The following MGAT4A variants were observed in gnomAD, a reference collection of about 807,000 sequenced individuals.
MGAT4A encodes the protein alpha-1,3-mannosyl-glycoprotein 4-beta-N-acetylglucosaminyltransferase A.
Under a neutral mutation model 74.1 loss-of-function variants are expected in MGAT4A, and 33 were observed. That is an observed-to-expected ratio of 0.45 (90% CI 0.34 to 0.60). MGAT4A has a LOEUF of 0.60. Ranked by LOEUF, MGAT4A falls within the 20% of genes least tolerant of loss-of-function variation. MGAT4A has a pLI of 0.02. For synonymous variants in MGAT4A, 198 were observed against 210.4 expected, an observed-to-expected ratio of 0.94 and a Z score of 0.51; for missense variants, 479 against 628.3, an observed-to-expected ratio of 0.76 and a Z score of 2.54.
intron 2 of MGAT4A, among the ~76,000 whole-genome samples, chr2:98,721,308 AG>A (rs543797146): frequency 1.3e-5 from 2 of 152,234 alleles, no homozygotes; most frequent in South Asian, 2.1e-4. Context: ...TCAGGCTGAA[AG>A]GAAGTTACCC....
At chr2:98,635,880 C>T (rs945225941) in intron 13 of MGAT4A, among the ~76,000 whole-genome samples, 16 of 151,322 alleles carry the variant, frequency 1.1e-4, no homozygotes, top group African/African-American at 3.9e-4. Context: ...CCCAGCTACT[C>T]GGGAGGCTGA....
chr2:98,627,351 T>C (rs751219847), intron 14 of MGAT4A, among the ~76,000 whole-genome samples: 4 of 152,130 alleles, frequency 2.6e-5, no homozygotes, highest in African/African-American at 4.8e-5. Context: ...TAAGAAACAA[T>C]ATTAAGTCTG....
chr2:98,679,862 G>C (rs1166922333), intron 2 of MGAT4A, among the ~76,000 whole-genome samples: 1 of 152,130 alleles, frequency 6.6e-6, no homozygotes, highest in Non-Finnish European at 1.5e-5. Flanking sequence ...ACACCTGAGA[G>C]ATGGTGGAAG....
chr2:98,656,162 T>G lies in MGAT4A; in HGVS notation c.698+190A>C, dbSNP rs756137176. ...TAAGAAAACACAGTAAAATAAAAGC[T>G]AATATTAAGTTTTTACATATTCTAA... On this transcript the variant is annotated intron_variant, in intron 7 of 15. Transcript: ENST00000393487. The G allele has an allele frequency of 2.3e-4, 117 of 513,076 alleles. 1 individual carries two copies. The highest frequency in any genetic ancestry group is 3.7e-4 in the Non-Finnish European group (108 of 294,406). 31.8% of individuals were successfully genotyped at this position (513,076 alleles called of 1,614,324 possible).
chr2:98,656,198 C>T (rs1701658290), intron 7 of MGAT4A, 154 bp downstream of exon 7: 6 of 592,268 alleles, frequency 1.0e-5, no homozygotes, highest in Non-Finnish European at 1.8e-5. Flanking sequence ...GAAAACTCTA[C>T]ATTATTTCCA....
Position 98,621,500 on chromosome 2 carries a change from T to G in MGAT4A, c.*4066A>C, listed in dbSNP as rs1429760444. Reference sequence around the variant, plus strand: ...ACTTCTGCCACCAGCCCGAGAAAACTCTCTGCTTTTAAAGGAGTCACAAGA... The same window carrying G: ...ACTTCTGCCACCAGCCCGAGAAAACGCTCTGCTTTTAAAGGAGTCACAAGA... On this transcript the variant is annotated 3_prime_UTR_variant, in exon 16 of 16. Coordinates refer to ENST00000393487, the MANE Select transcript of MGAT4A (RefSeq NM_012214.3). 6.4e-6 allele frequency: 10 copies of G among 1,551,600 alleles called. No individual in the cohort carries two copies. The highest frequency in any genetic ancestry group is 2.7e-5 in the African/African-American group (2 of 73,126).
chr2:98,625,235 AATGT>A lies in MGAT4A; in HGVS notation c.*327_*330del. ...AACCTCAAAAGTACCCCCTTCATAA[AATGT>A]ATGTAACATTAGTTTTTCTCAAATT... On this transcript the variant is annotated 3_prime_UTR_variant, in exon 16 of 16. Transcript: ENST00000393487. The A allele has an allele frequency of 1.1e-6, 1 of 913,364 alleles. No homozygotes were observed. Among genetic ancestry groups the A allele is most frequent in the Non-Finnish European group, 1.3e-6 (1 of 757,458 alleles). 56.6% of individuals were successfully genotyped at this position (913,364 alleles called of 1,614,324 possible).
chr2:98,717,301 C>T (rs948430569), intron 2 of MGAT4A, among the ~76,000 whole-genome samples: 1 of 151,216 alleles, frequency 6.6e-6, no homozygotes, highest in South Asian at 2.1e-4. Context: ...ATCGCTTGAA[C>T]GTGGGAGGTG....
chr2:98,643,004 C>T (rs1221805248), intron 10 of MGAT4A, among the ~76,000 whole-genome samples: 1 of 152,170 alleles, frequency 6.6e-6, no homozygotes, highest in African/African-American at 2.4e-5. Context: ...AATGGTAAGT[C>T]AACTCTATAA....
intron 2 of MGAT4A, among the ~76,000 whole-genome samples, chr2:98,716,159 A>C (rs1702588977): frequency 6.6e-6 from 1 of 151,794 alleles, no homozygotes; most frequent in Non-Finnish European, 1.5e-5. Flanking sequence ...TCTCTACAAA[A>C]AATTTTTGCA....
chr2:98,678,249 AATATAT>A (rs1553538281), intron 3 of MGAT4A, 49 bp downstream of exon 3: 5 of 263,882 alleles, frequency 1.9e-5, no homozygotes, highest in East Asian at 2.7e-4. Context: ...AAAAAAAAAA[AATATAT>A]ATATATATAT....
chr2:98,627,421 G>A (rs1701161947), intron 14 of MGAT4A, among the ~76,000 whole-genome samples: 1 of 152,026 alleles, frequency 6.6e-6, no homozygotes, highest in African/African-American at 2.4e-5. Flanking sequence ...TGTCACCCAA[G>A]CTGGAGTGCG....
intron 8 of MGAT4A, among the ~76,000 whole-genome samples, chr2:98,649,660 T>C (rs907679228): frequency 3.9e-5 from 6 of 152,042 alleles, no homozygotes; most frequent in Non-Finnish European, 8.8e-5. Context: ...AAGGCCACAG[T>C]GCTGCAGAGC....
chr2:98,714,536 C>T (rs956545454), intron 2 of MGAT4A, among the ~76,000 whole-genome samples: 1 of 152,170 alleles, frequency 6.6e-6, no homozygotes, highest in Non-Finnish European at 1.5e-5. Flanking sequence ...GGATGCTATG[C>T]ACGCACACAT....
chr2:98,689,825 C>A (rs1289235684), intron 2 of MGAT4A, among the ~76,000 whole-genome samples: 1 of 151,928 alleles, frequency 6.6e-6, no homozygotes, highest in Non-Finnish European at 1.5e-5. Context: ...CCTGTCTCAA[C>A]AACCACCACA....
At chr2:98,632,473 T>G (rs1199711602) in intron 14 of MGAT4A, among the ~76,000 whole-genome samples, 1 of 152,258 alleles carries the variant, frequency 6.6e-6, no homozygotes, top group African/African-American at 2.4e-5. Context: ...AACTTTCCAC[T>G]GGGATCCAAA....
intron 2 of MGAT4A, among the ~76,000 whole-genome samples, chr2:98,692,461 T>C (rs1253262280): frequency 2.0e-5 from 3 of 152,228 alleles, no homozygotes; most frequent in East Asian, 3.9e-4. Context: ...ATATCCTTAG[T>C]TCAGTATTTG....
intron 2 of MGAT4A, among the ~76,000 whole-genome samples, chr2:98,703,017 C>T (rs180783873): frequency 7.1e-4 from 108 of 152,236 alleles, no homozygotes; most frequent in African/African-American, 2.5e-3. Context: ...GACTCATACT[C>T]GGGGGAAAAA....
Position 98,621,903 on chromosome 2 carries a change from T to C in MGAT4A, c.*3663A>G. On this transcript the variant is annotated 3_prime_UTR_variant, in exon 16 of 16. Coordinates refer to ENST00000393487, the MANE Select transcript of MGAT4A (RefSeq NM_012214.3). The stretch of plus-strand genomic sequence containing the variant: ...TGATTTGAGAAGATACACACTTTGT[T>C]CAAGGGTATTCAACCATCTCCAATT... The C allele has an allele frequency of 1.0e-6, 1 of 1,002,318 alleles. No homozygotes were observed. The highest frequency in any genetic ancestry group is 1.7e-5 in the African/African-American group (1 of 57,618). 62.1% of individuals were successfully genotyped at this position (1,002,318 alleles called of 1,614,324 possible).
Sources: allele counts gnomAD v4.1 joint callset (sites outside exome capture counted in the v4.1 genomes callset), GRCh38; gene constraint gnomAD v4.1.1; transcripts MANE v1.5; gene names NCBI Gene and HGNC (gene_info 2026-07-23, HGNC 2026-07-21).